Variants in TXLNB observed in about 807,000 individuals in gnomAD.
TXLNB encodes the protein taxilin beta.
Under a neutral mutation model 57.4 loss-of-function variants are expected in TXLNB, and 37 were observed. The ratio of observed to expected loss-of-function variants is 0.64; its 90% CI spans 0.50 to 0.85. The LOEUF (loss-of-function observed/expected upper bound fraction) is 0.85. Among genes scored for constraint, TXLNB ranks in the 40% least tolerant of loss-of-function variants. The probability of loss-of-function intolerance (pLI) is 0.00; values close to 1 mark genes in which losing one functional copy is unlikely to be tolerated. For synonymous variants in TXLNB, 302 were observed against 309.6 expected (o/e 0.98, Z 0.26); for missense variants, 848 against 825.6 (o/e 1.03, Z -0.33).
At chr6:139,236,351 C>T (rs1014780610), downstream of TXLNB, among the ~76,000 whole-genome samples, 8 of 152,278 alleles carry the variant, frequency 5.3e-5, no homozygotes, top group South Asian at 1.0e-3. Flanking sequence ...CACGACCTGC[C>T]CTTCTGCATG....
intron 8 of TXLNB, among the ~76,000 whole-genome samples, chr6:139,247,532 C>CTTTTTTTT (rs61368061): frequency 2.9e-4 from 18 of 63,076 alleles, no homozygotes; most frequent in East Asian, 9.6e-4. Flanking sequence ...CTCTGGTCTT[C>CTTTTTTTT]TTTTTTTTTT....
chr6:139,312,383 G>C, the TXLNB span, among the ~76,000 whole-genome samples: 5 of 152,286 alleles, frequency 3.3e-5, no homozygotes, highest in African/African-American at 1.2e-4. Context: ...CTGTTAGTTG[G>C]AATAACATGA....
the TXLNB span, among the ~76,000 whole-genome samples, chr6:139,210,262 G>A: frequency 2.0e-5 from 3 of 152,094 alleles, no homozygotes; most frequent in Non-Finnish European, 4.4e-5. Flanking sequence ...GCTGCTGGTG[G>A]GAATGTAAAC....
Position 139,242,589 on chromosome 6 carries a change from T to C in TXLNB, c.1992A>G (p.Val664=), listed in dbSNP as rs756900039. The change falls in exon 10 of 10, where the codon GTA becomes GTG. Residue 664 remains valine, a synonymous_variant. Coordinates refer to ENST00000358430, the MANE Select transcript of TXLNB (RefSeq NM_153235.4). ...PPRAAAEELP[V]GASAGPQPRN... is the part of the protein sequence containing the mutation. ...GCGGCTGGGGCCCAGCTGAGGCCCC[T>C]ACTGGCAGCTCCTCTGCTGCTGCTC... is the stretch of plus-strand genomic sequence containing the variant. 8.4e-6 allele frequency: 13 copies of C among 1,544,038 alleles called. No individual in the cohort carries two copies. The highest frequency in any genetic ancestry group is 1.0e-5 in the Non-Finnish European group (12 of 1,148,978).
rs1289552445 is a variant in TXLNB, at chr6:139,284,312, G to T, written c.424+4164C>A. On this transcript the variant is annotated intron_variant, in intron 2 of 9. Transcript: ENST00000358430. ...TGGGAGGCCGAGGCGGGTGGATCAT[G>T]AGGTCAGGAGATCGAGACCATCCTG... is the stretch of plus-strand genomic sequence containing the variant. Among the ~76,000 whole-genome samples, 3 of 144,354 alleles carry T rather than the reference G, an allele frequency of 2.1e-5. 1 individual carries two copies. The highest frequency in any genetic ancestry group is 7.7e-5 in the African/African-American group (3 of 39,084). The allele number at this position is 144,354 out of a possible 152,430, so 94.7% of individuals were successfully genotyped here.
chr6:139,299,794 T>TG, the TXLNB span, among the ~76,000 whole-genome samples: 1 of 152,090 alleles, frequency 6.6e-6, no homozygotes, highest in Non-Finnish European at 1.5e-5. Context: ...AGAGCCACCC[T>TG]GATCTGTCCT....
the TXLNB span, among the ~76,000 whole-genome samples, chr6:139,224,384 A>G: frequency 6.6e-6 from 1 of 151,438 alleles, no homozygotes; most frequent in African/African-American, 2.4e-5. Context: ...CCAGCATGGC[A>G]CATGTATATG....
Position 139,242,949 on chromosome 6 carries a change from G to T in TXLNB, c.1632C>A (p.Pro544=). ...CTGAATCCCGTGAAGGGATCAGAGG[G>T]GGTTGCTCTGGCTCCTTGAGAGCGG... ...ADAALKEPEQ[P]PLIPSRDSES... Residue 544 remains proline (P), a synonymous_variant, in exon 10 of 10, where the codon CCC becomes CCA. Transcript: ENST00000358430. 6.2e-7 allele frequency: 1 copy of T among 1,614,184 alleles called. No homozygotes were observed. Among genetic ancestry groups the T allele is most frequent in the Non-Finnish European group, 8.5e-7 (1 of 1,180,040 alleles).
intron 7 of TXLNB, among the ~76,000 whole-genome samples, chr6:139,252,875 C>T (rs537452945): frequency 2.7e-4 from 41 of 152,230 alleles, no homozygotes; most frequent in South Asian, 6.2e-4. Flanking sequence ...CCTGTAGTCC[C>T]GGCTACTCGG....
At chr6:139,254,414 A>T (rs1306003689) in intron 7 of TXLNB, among the ~76,000 whole-genome samples, 1 of 152,090 alleles carries the variant, frequency 6.6e-6, no homozygotes, top group Non-Finnish European at 1.5e-5. Flanking sequence ...CCAGCTTGGA[A>T]GGTTTCTGAT....
intron 2 of TXLNB, among the ~76,000 whole-genome samples, chr6:139,281,637 C>T (rs1777054292): frequency 1.9e-5 from 2 of 105,582 alleles, no homozygotes; most frequent in Non-Finnish European, 3.5e-5. Context: ...CAAGCTCCGC[C>T]TCCCGGGTTC....
intron 2 of TXLNB, among the ~76,000 whole-genome samples, chr6:139,280,025 C>G (rs1026056862): frequency 6.6e-6 from 1 of 151,980 alleles, no homozygotes; most frequent in Admixed American, 6.5e-5. Context: ...CTTGCCGAGG[C>G]GGGCAGATCA....
upstream of TXLNB, among the ~76,000 whole-genome samples, chr6:139,292,894 C>G (rs1001054591): frequency 1.3e-5 from 2 of 152,214 alleles, no homozygotes; most frequent in African/African-American, 4.8e-5. This position sits in a 1 kb window ranked among gnomAD's most constrained non-coding sequence, Gnocchi z 4.0. Context: ...CCATCGGTTT[C>G]TGCTCTGGGG....
At chr6:139,189,052 C>G in the TXLNB span, among the ~76,000 whole-genome samples, 3 of 152,222 alleles carry the variant, frequency 2.0e-5, no homozygotes, top group Non-Finnish European at 4.4e-5. Context: ...CCACCATGCC[C>G]GGCCCAGATT....
the TXLNB span, among the ~76,000 whole-genome samples, chr6:139,312,524 A>G: frequency 6.6e-6 from 1 of 152,184 alleles, no homozygotes; most frequent in African/African-American, 2.4e-5. Context: ...CCTTGCCTCA[A>G]AAATGACAGT....
At chr6:139,275,860 T>C (rs1439318369) in intron 3 of TXLNB, among the ~76,000 whole-genome samples, 1 of 152,166 alleles carries the variant, frequency 6.6e-6, no homozygotes, top group Non-Finnish European at 1.5e-5. Flanking sequence ...TGTCCTGAGG[T>C]TTAAGCTTCC....
intron 2 of TXLNB, among the ~76,000 whole-genome samples, chr6:139,281,711 G>C (rs549994406): frequency 2.7e-5 from 3 of 110,506 alleles, no homozygotes; most frequent in Admixed American, 1.6e-4. Context: ...ACCACGCCCG[G>C]CTAATTTTTT....
chr6:139,288,677 T>G lies in TXLNB; in HGVS notation c.223A>C (p.Ser75Arg). Residue 75 changes from serine (S) to arginine (R), a missense_variant, in exon 2 of 10, where the codon AGC becomes CGC. Coordinates refer to ENST00000358430, the MANE Select transcript of TXLNB (RefSeq NM_153235.4). ...GCAGAGCCCTCTTTCCCTGCTGTGC[T>G]GGCAGCAGACCCATAAGTGTTAATG... Reference protein sequence around the residue: ...DIINTYGSAASTAGKEGSARA... With the variant: ...DIINTYGSAARTAGKEGSARA... 6.2e-7 allele frequency: 1 copy of G among 1,614,196 alleles called. No homozygotes were observed. The highest frequency in any genetic ancestry group is 2.2e-5 in the East Asian group (1 of 44,878).
chr6:139,187,097 TGTTTA>T, the TXLNB span, among the ~76,000 whole-genome samples: 1 of 152,222 alleles, frequency 6.6e-6, no homozygotes, highest in Non-Finnish European at 1.5e-5. Flanking sequence ...ACTTTAAATA[TGTTTA>T]GTTTATTCTG....
Sources: gnomAD v4.1 joint callset for allele counts (sites outside exome capture counted in the v4.1 genomes callset) on GRCh38, gnomAD v4.1.1 for gene constraint, Gnocchi (gnomAD v3.1) non-coding constraint, MANE v1.5 for transcripts, NCBI Gene and HGNC (gene_info 2026-07-23, HGNC 2026-07-21) for gene names.